RGL1: variants seen among roughly 807,000 people sequenced by gnomAD.
RGL1 encodes ral guanine nucleotide dissociation stimulator-like 1.
In RGL1, 24 loss-of-function variants were observed where a neutral mutation model predicts 95.2. That is an observed-to-expected ratio of 0.25 (90% CI 0.18 to 0.35). The LOEUF is 0.35. Among genes scored for constraint, RGL1 ranks in the 10% least tolerant of loss-of-function variants. The pLI is 1.00. For missense variants in RGL1, 715 were observed against 936.3 expected, an observed-to-expected ratio of 0.76 and a Z score of 3.08; for synonymous variants, 329 against 344.9, an observed-to-expected ratio of 0.95 and a Z score of 0.51.
Position 183,847,664 on chromosome 1 carries a change from G to A in RGL1, c.237G>A (p.Glu79=), listed in dbSNP as rs1213392560. 6.2e-7 allele frequency: 1 copy of A among 1,614,136 alleles called. No homozygotes were observed. The highest frequency in any genetic ancestry group is 1.1e-5 in the South Asian group (1 of 91,084). Residue 79 remains glutamate, a synonymous_variant, in exon 3 of 18, where the codon GAG becomes GAA. Transcript: ENST00000360851. ...CTGGCACCTTGGAGAAGCTTGTGGAGAACCTGCTGACAGCTTTTGGGGACA... is the reference window on the plus strand; with the variant it reads ...CTGGCACCTTGGAGAAGCTTGTGGAAAACCTGCTGACAGCTTTTGGGGACA... ...IKAGTLEKLV[E]NLLTAFGDND... is the part of the protein sequence containing the mutation.
At chr1:183,804,006 G>A (rs1297993923), upstream of RGL1, among the ~76,000 whole-genome samples, 2 of 152,168 alleles carry the variant, frequency 1.3e-5, no homozygotes, top group African/African-American at 4.8e-5. Context: ...GGATAACCTG[G>A]CTGAATGACT....
At chr1:183,832,041 G>A (rs1663292841) in intron 2 of RGL1, among the ~76,000 whole-genome samples, 1 of 152,184 alleles carries the variant, frequency 6.6e-6, no homozygotes, top group African/African-American at 2.4e-5. Context: ...ATAAAAGCAG[G>A]ATTTGTACTT....
chr1:183,926,118 A>C lies in RGL1; in HGVS notation c.2133A>C (p.Pro711=). The C allele has an allele frequency of 6.2e-7, 1 of 1,613,626 alleles. No individual in the cohort carries two copies. The highest frequency in any genetic ancestry group is 8.5e-7 in the Non-Finnish European group (1 of 1,179,716). ...TATCTTTTTCAGAACTTGTGATTCCAGACTCAGCAAATGTCTTTTATGCCA... is the reference window on the plus strand; with the variant it reads ...TATCTTTTTCAGAACTTGTGATTCCCGACTCAGCAAATGTCTTTTATGCCA... ...VISEDKELVI[P]DSANVFYAMN... Residue 711 remains proline, a synonymous_variant, in exon 18 of 18, where the codon CCA becomes CCC. Transcript: ENST00000360851.
chr1:183,756,603 C>T (rs569784167), intron 2 of RGL1, among the ~76,000 whole-genome samples: 13 of 152,250 alleles, frequency 8.5e-5, no homozygotes, highest in African/African-American at 2.6e-4. Context: ...ACTTCAAAAC[C>T]TCTCTAGCCC....
At chr1:183,799,013 C>T (rs2102397765) in intron 2 of RGL1, among the ~76,000 whole-genome samples, 1 of 151,736 alleles carries the variant, frequency 6.6e-6, no homozygotes, top group African/African-American at 2.4e-5. Flanking sequence ...TGCCATTCTC[C>T]TGCCTCAGCC....
chr1:183,852,945 T>A (rs943973373), intron 3 of RGL1, among the ~76,000 whole-genome samples: 14 of 152,210 alleles, frequency 9.2e-5, no homozygotes, highest in Non-Finnish European at 1.3e-4. Flanking sequence ...TTGGCACAAG[T>A]ATCTAGAGTT....
chr1:183,641,561 C>G (rs149988897), intron 1 of RGL1, among the ~76,000 whole-genome samples: 4 of 152,304 alleles, frequency 2.6e-5, no homozygotes, highest in Non-Finnish European at 4.4e-5. Flanking sequence ...TGAGCCCCCC[C>G]CACCATACCT....
intron 2 of RGL1, among the ~76,000 whole-genome samples, chr1:183,814,003 T>G (rs1661904431): frequency 6.6e-6 from 1 of 152,232 alleles, no homozygotes; most frequent in African/African-American, 2.4e-5. Flanking sequence ...TGATCAAAGC[T>G]TGATTTTGTC....
intron 4 of RGL1, among the ~76,000 whole-genome samples, chr1:183,869,227 TG>T (rs1402562597): frequency 6.6e-6 from 1 of 152,256 alleles, no homozygotes; most frequent in Non-Finnish European, 1.5e-5. Flanking sequence ...AATTGCACCC[TG>T]GGTATGAAGA....
rs369094807 is a variant in RGL1 at position 183,906,998 on chromosome 1, C to G, written c.1473-14C>G. 6.5e-7 allele frequency: 1 copy of G among 1,532,036 alleles called. No homozygotes were observed. The highest frequency in any genetic ancestry group is 1.4e-5 in the African/African-American group (1 of 73,550). The allele number at this position is 1,532,036 out of a possible 1,614,324, so 94.9% of individuals were successfully genotyped here. A position where few individuals can be genotyped will look rare whatever the true frequency, so the allele number is the denominator to read the frequency against. On this transcript the variant is annotated splice_polypyrimidine_tract_variant and intron_variant, in intron 13 of 17. Coordinates refer to ENST00000360851, the MANE Select transcript of RGL1 (RefSeq NM_001297671.3). ...TCTAACTTTGACCTCATGGAGCCCCCTTCTCTTTCTCAGCTATGCCCTGTC... is the reference window on the plus strand; with the variant it reads ...TCTAACTTTGACCTCATGGAGCCCCGTTCTCTTTCTCAGCTATGCCCTGTC...
chr1:183,872,266 C>T (rs763677776), intron 4 of RGL1, among the ~76,000 whole-genome samples: 1 of 152,176 alleles, frequency 6.6e-6, no homozygotes, highest in Non-Finnish European at 1.5e-5. Flanking sequence ...AGAGCTTTTA[C>T]AACACGAATC....
intron 1 of RGL1, chr1:183,646,429 A>G (rs972343530): frequency 1.3e-5 from 2 of 151,798 alleles, no homozygotes; most frequent in Non-Finnish European, 2.9e-5. Context: ...TTATATATAT[A>G]TATAAAGAAA....
intron 1 of RGL1, among the ~76,000 whole-genome samples, chr1:183,719,781 C>G (rs548433307): frequency 1.5e-3 from 221 of 152,266 alleles, no homozygotes; most frequent in Non-Finnish European, 2.1e-3. Context: ...TGGCGCATGC[C>G]TGTAATTCCA....
At chr1:183,816,911 C>A (rs1558224868) in intron 2 of RGL1, among the ~76,000 whole-genome samples, 1 of 152,110 alleles carries the variant, frequency 6.6e-6, no homozygotes, top group Non-Finnish European at 1.5e-5. Flanking sequence ...ATCGAGAATG[C>A]AGACAGCAAG....
chr1:183,867,916 TA>T (rs1665935868), intron 4 of RGL1, among the ~76,000 whole-genome samples: 2 of 152,258 alleles, frequency 1.3e-5, no homozygotes, highest in Non-Finnish European at 2.9e-5. Context: ...GTATCTTTTT[TA>T]ACTCCTGAGT....
At chr1:183,679,491 G>T (rs114086623) in intron 1 of RGL1, among the ~76,000 whole-genome samples, 6,079 of 140,554 alleles carry the variant, frequency 0.043, 192 homozygotes, top group African/African-American at 0.11. Context: ...GCGGCGTTCA[G>T]TTTTCTGTTC....
At chr1:183,763,105 T>A (rs1286338446) in intron 2 of RGL1, among the ~76,000 whole-genome samples, 2 of 152,230 alleles carry the variant, frequency 1.3e-5, no homozygotes, top group African/African-American at 4.8e-5. Context: ...TGGATGAAGC[T>A]GGAAGCCATC....
At chr1:183,732,473 T>A (rs541414981) in intron 1 of RGL1, among the ~76,000 whole-genome samples, 1 of 152,240 alleles carries the variant, frequency 6.6e-6, no homozygotes, top group South Asian at 2.1e-4. Flanking sequence ...CTACATTCCA[T>A]CCACCCCTCA....
At chr1:183,912,895 T>C (rs1429833465) in intron 15 of RGL1, among the ~76,000 whole-genome samples, 2 of 152,290 alleles carry the variant, frequency 1.3e-5, no homozygotes, top group East Asian at 3.9e-4. Flanking sequence ...CAACCAACAT[T>C]CTATTGGCTA....
Sources: allele counts gnomAD v4.1 joint callset (sites outside exome capture counted in the v4.1 genomes callset), GRCh38; gene constraint gnomAD v4.1.1; transcripts MANE v1.5; gene names NCBI Gene and HGNC (gene_info 2026-07-23, HGNC 2026-07-21).